Variants in EYS observed in about 807,000 individuals in gnomAD.
The protein encoded by EYS is protein eyes shut homolog.
EYS carries 250 observed loss-of-function variants against 282.1 expected under a neutral mutation model. The observed-to-expected ratio is 0.89, with a 90% CI of 0.80 to 0.98. The LOEUF is 0.98. Ranked by LOEUF, EYS falls within the 50% of genes least tolerant of loss-of-function variation. The pLI, the probability that EYS is intolerant of heterozygous loss-of-function variation, is 0.00. For missense variants in EYS, 4,016 were observed against 3,709.0 expected, an observed-to-expected ratio of 1.08 and a Z score of -2.15; for synonymous variants, 1,355 against 1,282.9, an observed-to-expected ratio of 1.06 and a Z score of -1.20.
At chr6:65,231,050 AG>A (rs1262020087) in intron 12 of EYS, among the ~76,000 whole-genome samples, 2 of 145,262 alleles carry the variant, frequency 1.4e-5, no homozygotes, top group Non-Finnish European at 3.0e-5. Flanking sequence ...CAAAATTAAA[AG>A]TATATATATA....
At position 64,945,898 on chromosome 6, in the gene EYS, C is replaced by T. The variant is rs933950205; in HGVS notation, c.2276G>A (p.Cys759Tyr). ...AAAATTTCCTTCCCAATCAGATAGG[C>T]ACACACACTGGTAGCTCTAAGAGAA... is the stretch of plus-strand genomic sequence containing the variant. ...KDLHLSYQCV[C>Y]LSDWEGNFCE... Residue 759 changes from cysteine to tyrosine, a missense_variant, in exon 15 of 43, where the codon TGC becomes TAC. Physicochemically the swap from Cys to Tyr is radical, Grantham distance 194. Transcript: ENST00000503581. 1 of 1,546,358 alleles carries T rather than the reference C, an allele frequency of 6.5e-7. No homozygotes were observed. Among genetic ancestry groups the T allele is most frequent in the African/African-American group, 1.4e-5 (1 of 72,932 alleles).
intron 30 of EYS, among the ~76,000 whole-genome samples, chr6:64,296,909 A>G (rs1358158442): frequency 2.6e-5 from 4 of 152,056 alleles, no homozygotes; most frequent in Non-Finnish European, 5.9e-5. Flanking sequence ...CTGGCCTAGA[A>G]TATTTTTGAT....
rs114546835 is a variant in EYS at position 63,926,242 on chromosome 6, C to A, written c.7055+58141G>T. Among the ~76,000 whole-genome samples, 1,436 of 152,298 alleles carry A rather than the reference C, an allele frequency of 9.4e-3. 20 individuals are homozygous for A. Among genetic ancestry groups the A allele is most frequent in the African/African-American group, 0.032 (1,344 of 41,564 alleles). On this transcript the variant is annotated intron_variant, in intron 35 of 42. Coordinates refer to ENST00000503581, the MANE Select transcript of EYS (RefSeq NM_001142800.2). The stretch of plus-strand genomic sequence containing the variant: ...GTCAAGCATATTCTTAACTTTCAAT[C>A]ACTCCAGAAAAACATTACAGAATGA...
chr6:65,149,998 G>C (rs191889350), intron 12 of EYS, among the ~76,000 whole-genome samples: 1 of 152,148 alleles, frequency 6.6e-6, no homozygotes, highest in African/African-American at 2.4e-5. Context: ...GGAAATGCCA[G>C]ATGTTTACAA....
intron 22 of EYS, among the ~76,000 whole-genome samples, chr6:64,703,426 T>TAA (rs1770863270): frequency 3.3e-5 from 2 of 59,904 alleles, no homozygotes; most frequent in African/African-American, 5.2e-5. Flanking sequence ...TATATATATA[T>TAA]ATATTTTTTT....
chr6:64,110,216 T>TA (rs1773161235), intron 31 of EYS, among the ~76,000 whole-genome samples: 1 of 151,690 alleles, frequency 6.6e-6, no homozygotes, highest in Admixed American at 6.6e-5. Flanking sequence ...AAGGCTTTCT[T>TA]ACTCCCTCTT....
intron 2 of EYS, among the ~76,000 whole-genome samples, chr6:65,526,357 T>C (rs1767563893): frequency 6.6e-6 from 1 of 152,136 alleles, no homozygotes; most frequent in Admixed American, 6.5e-5. Context: ...TTTGAGAAGG[T>C]CCTTTGGTCC....
At chr6:65,217,132 C>T (rs879557465) in intron 12 of EYS, among the ~76,000 whole-genome samples, 5 of 151,970 alleles carry the variant, frequency 3.3e-5, no homozygotes, top group African/African-American at 4.8e-5. Flanking sequence ...TAGTAGAATA[C>T]TAAATGATCT....
At chr6:65,703,243 A>T (rs1769744757) in intron 1 of EYS, among the ~76,000 whole-genome samples, 1 of 152,086 alleles carries the variant, frequency 6.6e-6, no homozygotes, top group Non-Finnish European at 1.5e-5. Context: ...ATATATATGT[A>T]TTGTTACTCT....
intron 2 of EYS, among the ~76,000 whole-genome samples, chr6:65,632,706 T>A (rs1766957274): frequency 6.6e-6 from 1 of 152,230 alleles, no homozygotes; most frequent in East Asian, 1.9e-4. Context: ...TAACTTATTA[T>A]GCTACTTGGA....
intron 31 of EYS, among the ~76,000 whole-genome samples, chr6:64,170,312 G>A (rs1326479860): frequency 6.6e-6 from 1 of 152,172 alleles, no homozygotes; most frequent in African/African-American, 2.4e-5. Flanking sequence ...TAAGCAACTT[G>A]CTTTTCTTTA....
chr6:64,797,852 A>G (rs573552929), intron 22 of EYS, among the ~76,000 whole-genome samples: 12 of 152,168 alleles, frequency 7.9e-5, no homozygotes, highest in African/African-American at 2.6e-4. Context: ...CCACAAATGC[A>G]AATTGTCTAT....
intron 12 of EYS, among the ~76,000 whole-genome samples, chr6:65,276,456 G>A (rs889211573): frequency 7.2e-5 from 11 of 151,818 alleles, no homozygotes; most frequent in Admixed American, 7.2e-4. Flanking sequence ...ACTGCCACTG[G>A]GTCACTTAGA....
chr6:64,007,767 GTTGT>G (rs963022377), intron 33 of EYS, among the ~76,000 whole-genome samples: 21 of 152,070 alleles, frequency 1.4e-4, no homozygotes, highest in African/African-American at 5.1e-4. Flanking sequence ...TCAGGATCAG[GTTGT>G]TTAATTTCCA....
chr6:65,476,664 C>T (rs1218204375), intron 5 of EYS, among the ~76,000 whole-genome samples: 1 of 152,074 alleles, frequency 6.6e-6, no homozygotes, highest in Non-Finnish European at 1.5e-5. Context: ...GCAACCTCCA[C>T]CTCCCAGGAT....
intron 26 of EYS, among the ~76,000 whole-genome samples, chr6:64,449,311 A>T (rs1316775843): frequency 6.6e-6 from 1 of 152,094 alleles, no homozygotes; most frequent in Admixed American, 6.6e-5. Context: ...AGAGAAAAAA[A>T]AATACAAAGA....
chr6:64,442,264 G>C (rs1160489853), intron 26 of EYS, among the ~76,000 whole-genome samples: 1 of 152,156 alleles, frequency 6.6e-6, no homozygotes, highest in East Asian at 1.9e-4. Flanking sequence ...CTTTGCACTT[G>C]AGGAACATGA....
At chr6:63,803,139 T>C (rs910298624) in intron 37 of EYS, among the ~76,000 whole-genome samples, 4 of 152,180 alleles carry the variant, frequency 2.6e-5, no homozygotes, top group Admixed American at 6.5e-5. Context: ...TCCAGGTGTT[T>C]GTCTTTTGCT....
At chr6:65,344,242 T>A in intron 9 of EYS, 65 bp from the exon 10 acceptor site, 1 of 1,295,378 alleles carries the variant, frequency 7.7e-7, no homozygotes, top group Non-Finnish European at 1.1e-6. Context: ...AATGAATTAT[T>A]AAGGACTGTG....
Sources: allele counts gnomAD v4.1 joint callset (sites outside exome capture counted in the v4.1 genomes callset), GRCh38; gene constraint gnomAD v4.1.1; transcripts MANE v1.5; gene names NCBI Gene and HGNC (gene_info 2026-07-23, HGNC 2026-07-21).